The following PSMA1 variants were observed in gnomAD, a reference collection of about 807,000 sequenced individuals.
PSMA1 encodes the protein proteasome subunit alpha type-1.
A neutral mutation model predicts 38.4 loss-of-function variants in PSMA1; 3 were observed. The observed-to-expected ratio is 0.08, with a 90% CI of 0.04 to 0.20. PSMA1 has a LOEUF of 0.20. Ranked by LOEUF, PSMA1 falls within the 10% of genes least tolerant of loss-of-function variation. The pLI is 1.00. For synonymous variants in PSMA1, 101 were observed against 107.1 expected, an observed-to-expected ratio of 0.94 and a Z score of 0.35; for missense variants, 227 against 325.3, an observed-to-expected ratio of 0.70 and a Z score of 2.32.
In PSMA1 at chr11:14,514,431, C is replaced by T. The variant is rs145725506; in HGVS notation, c.315G>A (p.Val105=). The T allele has an allele frequency of 1.1e-5, 17 of 1,608,454 alleles. No individual in the cohort carries two copies. Among genetic ancestry groups the T allele is most frequent in the African/African-American group, 1.3e-5 (1 of 74,726 alleles). ...SRFVFDRPLP[V]SRLVSLIGSK... Reference sequence around the variant, plus strand: ...TTCCAATTAGAGATACAAGACGAGACACAGGCAGTGGTCTATCGAATACAA... The same window carrying T: ...TTCCAATTAGAGATACAAGACGAGATACAGGCAGTGGTCTATCGAATACAA... The change falls in exon 5 of 10, where the codon GTG becomes GTA. Residue 105 remains valine, a synonymous_variant. Transcript: ENST00000396394.
chr11:14,567,367 A>C (rs903840380), intron 2 of PSMA1, among the ~76,000 whole-genome samples: 1 of 152,212 alleles, frequency 6.6e-6, no homozygotes, highest in African/African-American at 2.4e-5. Context: ...ATATCTACTT[A>C]TCTCTCAGAT....
chr11:14,612,014 T>A (rs904484070), intron 1 of PSMA1, among the ~76,000 whole-genome samples: 2 of 152,218 alleles, frequency 1.3e-5, no homozygotes, highest in African/African-American at 4.8e-5. Flanking sequence ...AGCTGTTTTT[T>A]GGTTTCCCCC....
At chr11:14,528,177 G>T in intron 2 of PSMA1, among the ~76,000 whole-genome samples, 1 of 151,840 alleles carries the variant, frequency 6.6e-6, no homozygotes, top group Non-Finnish European at 1.5e-5. Context: ...AATCTGGCCT[G>T]GTATATGACA....
intron 1 of PSMA1, among the ~76,000 whole-genome samples, chr11:14,619,428 G>A (rs529022303): frequency 3.3e-5 from 5 of 151,992 alleles, no homozygotes; most frequent in African/African-American, 1.2e-4. Context: ...GACAGAGAGA[G>A]ATCCTGTCTC....
At chr11:14,628,599 C>T (rs893763945) in intron 1 of PSMA1, among the ~76,000 whole-genome samples, 1 of 149,892 alleles carries the variant, frequency 6.7e-6, no homozygotes, top group African/African-American at 2.5e-5. Flanking sequence ...CAAGTCTTTG[C>T]TATTGCGAAT....
chr11:14,591,410 G>T (rs950731091), intron 2 of PSMA1, among the ~76,000 whole-genome samples: 4 of 152,188 alleles, frequency 2.6e-5, no homozygotes, highest in African/African-American at 9.6e-5. Flanking sequence ...GCTCCAGGGC[G>T]CCCAGTCCCA....
chr11:14,596,618 T>G (rs1414349231), intron 2 of PSMA1, among the ~76,000 whole-genome samples: 1 of 152,258 alleles, frequency 6.6e-6, no homozygotes, highest in Admixed American at 6.5e-5. Flanking sequence ...TTGCTGAAGT[T>G]GCTTATCAGC....
chr11:14,523,870 A>G (rs117789567), upstream of PSMA1, among the ~76,000 whole-genome samples: 399 of 152,048 alleles, frequency 2.6e-3, 16 homozygotes, highest in East Asian at 0.072. Flanking sequence ...GGCATGAGCT[A>G]CCATGCCCGG....
At chr11:14,515,710 C>G (rs1026109318) in intron 4 of PSMA1, among the ~76,000 whole-genome samples, 1 of 151,490 alleles carries the variant, frequency 6.6e-6, no homozygotes, top group African/African-American at 2.4e-5. Flanking sequence ...CCTGCCACCA[C>G]GTTCAGCTAA....
intron 2 of PSMA1, among the ~76,000 whole-genome samples, chr11:14,599,920 GT>G (rs1418193248): frequency 6.6e-6 from 1 of 152,326 alleles, no homozygotes; most frequent in Admixed American, 6.5e-5. Context: ...TACAGATGGG[GT>G]TTTGGTGTAG....
chr11:14,516,795 G>A (rs544413826), intron 4 of PSMA1, among the ~76,000 whole-genome samples: 3 of 152,048 alleles, frequency 2.0e-5, no homozygotes, highest in African/African-American at 7.2e-5. Context: ...GCGTGGTGGC[G>A]GGTGCCTGTA....
At chr11:14,515,710 C>A (rs1026109318) in intron 4 of PSMA1, among the ~76,000 whole-genome samples, 12 of 151,490 alleles carry the variant, frequency 7.9e-5, no homozygotes, top group Admixed American at 7.2e-4. Flanking sequence ...CCTGCCACCA[C>A]GTTCAGCTAA....
intron 2 of PSMA1, among the ~76,000 whole-genome samples, chr11:14,591,617 T>C (rs556003221): frequency 6.6e-6 from 1 of 152,140 alleles, no homozygotes; most frequent in African/African-American, 2.4e-5. Flanking sequence ...TCAGGGTTTG[T>C]GAGTGCACCA....
intron 2 of PSMA1, among the ~76,000 whole-genome samples, chr11:14,609,359 G>A (rs1028111212): frequency 6.6e-6 from 1 of 152,186 alleles, no homozygotes; most frequent in African/African-American, 2.4e-5. Flanking sequence ...TACCTACTAT[G>A]TATCAGGAGA....
At chr11:14,633,781 A>G (rs1200278038) in intron 1 of PSMA1, among the ~76,000 whole-genome samples, 1 of 152,092 alleles carries the variant, frequency 6.6e-6, no homozygotes, top group Non-Finnish European at 1.5e-5. Flanking sequence ...TGTGCTAGCA[A>G]TCAGTGAGAC....
chr11:14,631,695 A>C (rs1853014046), intron 1 of PSMA1, among the ~76,000 whole-genome samples: 1 of 152,190 alleles, frequency 6.6e-6, no homozygotes, highest in South Asian at 2.1e-4. Context: ...CTTGGTGCAG[A>C]GATGAGTTCA....
rs1851505756 is a variant in PSMA1 at position 14,520,245 on chromosome 11, C to G, written c.3+52G>C. On this transcript the variant is annotated intron_variant, in intron 1 of 9. Coordinates refer to ENST00000396394, the MANE Select transcript of PSMA1 (RefSeq NM_002786.4). ...GACAGGAGAGGTGGCTCGTCATCCC[C>G]CAGTCACCAGAGCTCTGCCCTAAAC... 3.8e-5 allele frequency: 62 copies of G among 1,612,950 alleles called. 1 individual carries two copies. The South Asian group carries it at 6.7e-4, about 17-fold the overall frequency.
chr11:14,507,788 A>G (rs776682379), intron 8 of PSMA1, 22 bp from the exon 9 acceptor site: 2 of 1,429,244 alleles, frequency 1.4e-6, no homozygotes, highest in Admixed American at 3.7e-5. Context: ...AATATGGTAA[A>G]AGTAAAATAA....
At chr11:14,548,380 T>G (rs1229754108) in intron 2 of PSMA1, among the ~76,000 whole-genome samples, 2 of 152,198 alleles carry the variant, frequency 1.3e-5, no homozygotes, top group African/African-American at 2.4e-5. Context: ...GACTTCTTGG[T>G]ATATGTATGT....
Sources: gnomAD v4.1 joint callset for allele counts (sites outside exome capture counted in the v4.1 genomes callset) on GRCh38, gnomAD v4.1.1 for gene constraint, MANE v1.5 for transcripts, NCBI Gene and HGNC (gene_info 2026-07-23, HGNC 2026-07-21) for gene names.